The following HSD17B12 variants were observed in gnomAD, a reference collection of about 807,000 sequenced individuals.
HSD17B12 encodes hydroxysteroid 17-beta dehydrogenase 12.
A neutral mutation model predicts 39.3 loss-of-function variants in HSD17B12; 32 were observed. The observed-to-expected ratio is 0.81, with a 90% CI of 0.61 to 1.09. The LOEUF (loss-of-function observed/expected upper bound fraction) is 1.09. Among genes scored for constraint, HSD17B12 ranks in the 50% least tolerant of loss-of-function variants. The pLI, the probability that HSD17B12 is intolerant of heterozygous loss-of-function variation, is 0.00. For missense variants in HSD17B12, 342 were observed against 382.9 expected (o/e 0.89, Z 0.89); for synonymous variants, 150 against 146.7 (o/e 1.02, Z -0.16).
the HSD17B12 span, among the ~76,000 whole-genome samples, chr11:43,615,825 A>G: frequency 9.8e-5 from 15 of 152,342 alleles, no homozygotes; most frequent in Admixed American, 9.8e-4. Flanking sequence ...CTTCTCTCTT[A>G]GATGGCTATA....
chr11:43,677,203 G>A (rs1310653417), upstream of HSD17B12, among the ~76,000 whole-genome samples: 1 of 152,124 alleles, frequency 6.6e-6, no homozygotes, highest in Non-Finnish European at 1.5e-5. Context: ...AAGAAATAAG[G>A]CTCAAATTGA....
At chr11:43,638,731 A>G in the HSD17B12 span, among the ~76,000 whole-genome samples, 2 of 152,188 alleles carry the variant, frequency 1.3e-5, no homozygotes, top group African/African-American at 4.8e-5. Context: ...TTACTTATAA[A>G]TAAGTTTATG....
chr11:43,757,716 C>A (rs1156604709), intron 3 of HSD17B12, among the ~76,000 whole-genome samples: 2 of 130,010 alleles, frequency 1.5e-5, no homozygotes, highest in African/African-American at 2.8e-5. Flanking sequence ...AAAGCACACA[C>A]AAAAAAAACA....
chr11:43,695,438 C>A (rs954976869), intron 1 of HSD17B12, among the ~76,000 whole-genome samples: 4 of 151,852 alleles, frequency 2.6e-5, no homozygotes, highest in African/African-American at 9.7e-5. Context: ...ATTAGCTGGG[C>A]GTGGTGGTGC....
the HSD17B12 span, among the ~76,000 whole-genome samples, chr11:43,626,175 C>A: frequency 6.6e-6 from 1 of 151,420 alleles, no homozygotes; most frequent in African/African-American, 2.4e-5. Flanking sequence ...GGAAATTATA[C>A]ATTCTGGATA....
At position 43,824,143 on chromosome 11, in the gene HSD17B12, A is replaced by T. The variant is rs188251443; in HGVS notation, c.502-6833A>T. Among the ~76,000 whole-genome samples, 85 of 152,254 alleles carry T rather than the reference A, an allele frequency of 5.6e-4. 1 individual carries two copies. Among genetic ancestry groups the T allele is most frequent in the African/African-American group, 1.9e-3 (80 of 41,548 alleles). On this transcript the variant is annotated intron_variant, in intron 6 of 10. Transcript: ENST00000278353. ...GTGACTAGAGCTGAGTAGCTTCCGG[A>T]TATATGCAGTAAGTTAGGCCTGCAG...
chr11:43,597,245 T>G, the HSD17B12 span, among the ~76,000 whole-genome samples: 1 of 152,184 alleles, frequency 6.6e-6, no homozygotes, highest in Admixed American at 6.5e-5. Flanking sequence ...ATGAGTAGGA[T>G]TTTGATAGAA....
chr11:43,828,077 C>T (rs1590333435), intron 6 of HSD17B12, among the ~76,000 whole-genome samples: 1 of 150,542 alleles, frequency 6.6e-6, no homozygotes, highest in Non-Finnish European at 1.5e-5. Context: ...ACTTTCCCTG[C>T]AAGGACAAGG....
intron 3 of HSD17B12, among the ~76,000 whole-genome samples, chr11:43,757,941 G>T (rs187998541): frequency 6.6e-6 from 1 of 152,042 alleles, no homozygotes; most frequent in African/African-American, 2.4e-5. Flanking sequence ...GGGCCCATTT[G>T]GGGGTATAAT....
At chr11:43,558,006 G>T in the HSD17B12 span, among the ~76,000 whole-genome samples, 1 of 152,210 alleles carries the variant, frequency 6.6e-6, no homozygotes, top group Non-Finnish European at 1.5e-5. Context: ...TCACAGGCCA[G>T]TTTTTCCGTT....
intron 1 of HSD17B12, among the ~76,000 whole-genome samples, chr11:43,713,696 C>T (rs61883792): frequency 3.9e-5 from 6 of 152,148 alleles, no homozygotes; most frequent in Non-Finnish European, 7.3e-5. Context: ...CCTGAGGAAT[C>T]GCCACACTGT....
intron 6 of HSD17B12, among the ~76,000 whole-genome samples, chr11:43,822,289 G>T (rs1951190550): frequency 6.6e-6 from 1 of 151,924 alleles, no homozygotes; most frequent in South Asian, 2.1e-4. Context: ...CAAGCAGGGG[G>T]TTATATAGTA....
At chr11:43,826,028 G>A (rs556432214) in intron 6 of HSD17B12, among the ~76,000 whole-genome samples, 1 of 151,620 alleles carries the variant, frequency 6.6e-6, no homozygotes, top group African/African-American at 2.4e-5. Flanking sequence ...GCATACTATA[G>A]TATGTGAAAC....
chr11:43,706,455 A>G (rs1160451116), intron 1 of HSD17B12, among the ~76,000 whole-genome samples: 1 of 152,140 alleles, frequency 6.6e-6, no homozygotes, highest in Non-Finnish European at 1.5e-5. Context: ...AGGTAGAAGC[A>G]TTGCTTGAAC....
At position 43,734,090 on chromosome 11, in the gene HSD17B12, G is replaced by C. The variant is rs1950294261; in HGVS notation, c.161-16821G>C. 8 of 1,066,970 alleles carry C rather than the reference G, an allele frequency of 7.5e-6. No individual in the cohort carries two copies. In the South Asian group the frequency reaches 1.0e-4, roughly 14 times the overall value. The allele number at this position is 1,066,970 out of a possible 1,614,324, so 66.1% of individuals were successfully genotyped here. On this transcript the variant is annotated intron_variant, in intron 1 of 10. Transcript: ENST00000278353. ...CTCATATCTTCACCAGCATCGGAGA[G>C]GACTATGATGAGCGTGTGCTGCCGT... is the stretch of plus-strand genomic sequence containing the variant.
chr11:43,576,430 C>T, the HSD17B12 span, among the ~76,000 whole-genome samples: 1 of 152,058 alleles, frequency 6.6e-6, no homozygotes, highest in Non-Finnish European at 1.5e-5. Context: ...AAACCGAGGG[C>T]TGTACTGGGA....
the HSD17B12 span, among the ~76,000 whole-genome samples, chr11:43,632,004 A>C: frequency 6.6e-6 from 1 of 152,020 alleles, no homozygotes; most frequent in East Asian, 1.9e-4. Flanking sequence ...AGAGTGTGTG[A>C]GTGAGGGAGG....
the HSD17B12 span, among the ~76,000 whole-genome samples, chr11:43,619,174 T>TC: frequency 6.3e-5 from 5 of 79,230 alleles, no homozygotes; most frequent in Admixed American, 1.2e-4. Context: ...GATATATATA[T>TC]ATATATAAAA....
intron 3 of HSD17B12, among the ~76,000 whole-genome samples, chr11:43,777,132 AT>A (rs1384762617): frequency 1.3e-5 from 2 of 152,122 alleles, no homozygotes; most frequent in African/African-American, 4.8e-5. Context: ...GTTTTTTCCA[AT>A]TCTGTGAAGA....
Sources: allele counts gnomAD v4.1 joint callset (sites outside exome capture counted in the v4.1 genomes callset), GRCh38; gene constraint gnomAD v4.1.1; transcripts MANE v1.5; gene names NCBI Gene and HGNC (gene_info 2026-07-23, HGNC 2026-07-21).